Variants in C10orf90 observed in about 807,000 individuals in gnomAD.
C10orf90 encodes the protein (E2-independent) E3 ubiquitin-conjugating enzyme FATS.
A neutral mutation model predicts 62.5 loss-of-function variants in C10orf90; 56 were observed. The observed-to-expected ratio is 0.90, with a 90% CI of 0.72 to 1.12. The LOEUF is 1.12. Ranked by LOEUF, C10orf90 falls within the 50% of genes most tolerant of loss-of-function variation. C10orf90 has a pLI of 0.00. For synonymous variants in C10orf90, 386 were observed against 340.4 expected (o/e 1.13, Z -1.47); for missense variants, 970 against 880.4 (o/e 1.10, Z -1.29).
chr10:126,616,886 T>C lies in C10orf90; in HGVS notation c.313+29679A>G, dbSNP rs1259306202. On this transcript the variant is annotated intron_variant, in intron 2 of 9. Transcript: ENST00000488181. ...CATGACCTTCAGTGCCCCAGCAAAG[T>C]AGGTCCGCAACATTGATATGTGACC... Among the ~76,000 whole-genome samples the C allele has an allele frequency of 2.0e-5, 3 of 152,160 alleles. No homozygotes were observed. In the East Asian group the frequency reaches 5.8e-4, roughly 29 times the overall value.
At chr10:126,666,018 C>A (rs980353324) in intron 1 of C10orf90, among the ~76,000 whole-genome samples, 2 of 152,202 alleles carry the variant, frequency 1.3e-5, no homozygotes, top group Non-Finnish European at 2.9e-5. Flanking sequence ...CCTTGTCACA[C>A]ATGAGACATC....
At chr10:126,597,211 C>CA (rs2134035819) in intron 2 of C10orf90, among the ~76,000 whole-genome samples, 1 of 152,170 alleles carries the variant, frequency 6.6e-6, no homozygotes, top group African/African-American at 2.4e-5. Context: ...GATTTCTACC[C>CA]AAAAAGAAAT....
intron 2 of C10orf90, among the ~76,000 whole-genome samples, chr10:126,569,154 G>A (rs574690352): frequency 5.3e-5 from 8 of 152,274 alleles, no homozygotes; most frequent in East Asian, 1.9e-4. Flanking sequence ...CAAGGACACC[G>A]CCTCTAATTC....
At chr10:126,461,706 G>A (rs1859990669) in intron 5 of C10orf90, 121 bp from the exon 6 acceptor site, 1 of 980,094 alleles carries the variant, frequency 1.0e-6, no homozygotes, top group East Asian at 2.7e-5. Flanking sequence ...CTATTAATGG[G>A]CCTCGTTAAG....
chr10:126,532,889 CTAAAA>C (rs1763790359), intron 2 of C10orf90, among the ~76,000 whole-genome samples: 1 of 126,968 alleles, frequency 7.9e-6, no homozygotes, highest in South Asian at 2.6e-4. Context: ...TTTCAAAAAT[CTAAAA>C]TAAAATAAAG....
At chr10:126,661,457 A>G (rs2133871723) in intron 1 of C10orf90, among the ~76,000 whole-genome samples, 1 of 152,286 alleles carries the variant, frequency 6.6e-6, no homozygotes, top group East Asian at 1.9e-4. Flanking sequence ...GAACCCAGAC[A>G]GTCTCGACCC....
chr10:126,542,365 T>C (rs1271612865), intron 2 of C10orf90, among the ~76,000 whole-genome samples: 1 of 152,030 alleles, frequency 6.6e-6, no homozygotes, highest in Non-Finnish European at 1.5e-5. Context: ...TAGCTGGGTG[T>C]GGTGGCAGGC....
chr10:126,465,176 G>A (rs1860213871), intron 4 of C10orf90, among the ~76,000 whole-genome samples, 190 bp from the exon 5 acceptor site: 1 of 152,060 alleles, frequency 6.6e-6, no homozygotes, highest in East Asian at 1.9e-4. Context: ...GCTTGGTGGT[G>A]TCCTTAGGAG....
At chr10:126,521,216 G>A (rs780599646) in intron 2 of C10orf90, 2 of 1,509,888 alleles carry the variant, frequency 1.3e-6, no homozygotes, top group Non-Finnish European at 1.8e-6. Context: ...ACTGGGCCCA[G>A]AAGATACTCA....
chr10:126,526,733 G>C (rs886259863), intron 2 of C10orf90, among the ~76,000 whole-genome samples: 3 of 152,092 alleles, frequency 2.0e-5, no homozygotes, highest in Admixed American at 6.5e-5. Flanking sequence ...ATGATCCCTT[G>C]ACCTCAGCCC....
At chr10:126,635,330 A>T (rs779315920) in intron 2 of C10orf90, among the ~76,000 whole-genome samples, 12 of 152,292 alleles carry the variant, frequency 7.9e-5, no homozygotes, top group Non-Finnish European at 1.3e-4. Flanking sequence ...GCACACATCT[A>T]CCACCTCTTC....
chr10:126,543,256 GCT>G (rs1864417725), intron 2 of C10orf90, among the ~76,000 whole-genome samples: 1 of 152,180 alleles, frequency 6.6e-6, no homozygotes, highest in Non-Finnish European at 1.5e-5. Flanking sequence ...AAGCCTGCTA[GCT>G]CTGCCTGCCT....
chr10:126,465,196 CAT>C (rs1860214612), intron 4 of C10orf90, among the ~76,000 whole-genome samples: 1 of 152,080 alleles, frequency 6.6e-6, no homozygotes, highest in South Asian at 2.1e-4. Context: ...GCTCATATTA[CAT>C]TATCTGCAGT....
chr10:126,566,798 C>G (rs987042649), intron 2 of C10orf90, among the ~76,000 whole-genome samples: 1 of 152,024 alleles, frequency 6.6e-6, no homozygotes, highest in Non-Finnish European at 1.5e-5. Flanking sequence ...GCGGAGGCAG[C>G]GAGACCAGTT....
intron 2 of C10orf90, among the ~76,000 whole-genome samples, chr10:126,619,073 C>T (rs908064806): frequency 1.3e-5 from 2 of 152,118 alleles, no homozygotes; most frequent in Non-Finnish European, 2.9e-5. Flanking sequence ...GTACAATGGC[C>T]ATTATCCATT....
chr10:126,561,382 T>A (rs1292861516), intron 2 of C10orf90, among the ~76,000 whole-genome samples: 1 of 152,038 alleles, frequency 6.6e-6, no homozygotes, highest in Admixed American at 6.6e-5. Flanking sequence ...TAGAAGAGAG[T>A]GATTCCATGG....
rs1384116139 is a variant in C10orf90, at chr10:126,453,011, A to G, written c.2188+6029T>C. On this transcript the variant is annotated intron_variant, in intron 7 of 9. Transcript: ENST00000488181. The surrounding 1 kb of genome is among the most constrained non-coding windows in gnomAD (Gnocchi z 4.9). Reference sequence around the variant, plus strand: ...AATCTTTATTACTGAGATAACTGCCACCTCTGTCTCCTGTCTCCTGGGTCG... The same window carrying G: ...AATCTTTATTACTGAGATAACTGCCGCCTCTGTCTCCTGTCTCCTGGGTCG... Among the ~76,000 whole-genome samples the G allele has an allele frequency of 6.6e-6, 1 of 152,074 alleles. No individual in the cohort carries two copies. Among genetic ancestry groups the G allele is most frequent in the East Asian group, 1.9e-4 (1 of 5,188 alleles).
At chr10:126,599,985 T>C (rs1845164714) in intron 2 of C10orf90, among the ~76,000 whole-genome samples, 1 of 152,254 alleles carries the variant, frequency 6.6e-6, no homozygotes, top group South Asian at 2.1e-4. Context: ...TGTAAATGTC[T>C]ATCTTTTCCC....
intron 2 of C10orf90, among the ~76,000 whole-genome samples, chr10:126,612,176 C>T (rs914244880): frequency 6.6e-6 from 1 of 152,184 alleles, no homozygotes; most frequent in African/African-American, 2.4e-5. Flanking sequence ...CAAAAATTAG[C>T]TGCGCATGGA....
Sources: gnomAD v4.1 joint callset for allele counts (sites outside exome capture counted in the v4.1 genomes callset) on GRCh38, gnomAD v4.1.1 for gene constraint, Gnocchi (gnomAD v3.1) non-coding constraint, MANE v1.5 for transcripts, NCBI Gene and HGNC (gene_info 2026-07-23, HGNC 2026-07-21) for gene names.